ASIC1: variants seen among roughly 807,000 people sequenced by gnomAD.
The protein encoded by ASIC1 is acid sensing ion channel subunit 1.
Under a neutral mutation model 63.4 loss-of-function variants are expected in ASIC1, and 21 were observed. That is an observed-to-expected ratio of 0.33 (90% CI 0.23 to 0.48). ASIC1 has a LOEUF of 0.48. Ranked by LOEUF, ASIC1 falls within the 20% of genes least tolerant of loss-of-function variation. The probability of loss-of-function intolerance (pLI) is 0.99; values close to 1 mark genes in which losing one functional copy is unlikely to be tolerated. For synonymous variants in ASIC1, 258 were observed against 278.2 expected (o/e 0.93, Z 0.72); for missense variants, 478 against 695.5 (o/e 0.69, Z 3.52).
intron 3 of ASIC1, among the ~76,000 whole-genome samples, chr12:50,075,448 A>G (rs2137838434): frequency 6.6e-6 from 1 of 152,330 alleles, no homozygotes; most frequent in Admixed American, 6.5e-5. Flanking sequence ...CTAATCCCAT[A>G]CAACTCCGGA....
intron 3 of ASIC1, among the ~76,000 whole-genome samples, chr12:50,076,586 G>A (rs903039923): frequency 1.3e-5 from 2 of 152,150 alleles, no homozygotes; most frequent in Non-Finnish European, 2.9e-5. Flanking sequence ...TGAGGAAAGT[G>A]TCCCAAGGAG....
chr12:50,073,869 C>T, intron 3 of ASIC1: 1 of 1,532,446 alleles, frequency 6.5e-7, no homozygotes, highest in Middle Eastern at 1.7e-4. Context: ...GGGCGGTGGC[C>T]TTTGTCCTGG....
At chr12:50,062,828 C>G (rs1375400328) in intron 3 of ASIC1, among the ~76,000 whole-genome samples, 1 of 152,156 alleles carries the variant, frequency 6.6e-6, no homozygotes, top group Non-Finnish European at 1.5e-5. Flanking sequence ...TAGCTCAACC[C>G]CAGGGAATAG....
Position 50,059,633 on chromosome 12 carries a change from C to G in ASIC1, c.363-126C>G. ...CCATGTGGTAGAGCCTCTGCATGCCCAGCTCTCCTTCCTTGCCTACACCTG... is the reference window on the plus strand; with the variant it reads ...CCATGTGGTAGAGCCTCTGCATGCCGAGCTCTCCTTCCTTGCCTACACCTG... On this transcript the variant is annotated intron_variant, in intron 2 of 11. Transcript: ENST00000447966. The surrounding 1 kb of genome is among the most constrained non-coding windows in gnomAD (Gnocchi z 4.6). 2 of 989,198 alleles carry G rather than the reference C, an allele frequency of 2.0e-6. No homozygotes were observed. Among genetic ancestry groups the G allele is most frequent in the Non-Finnish European group, 3.0e-6 (2 of 677,326 alleles). 61.3% of individuals were successfully genotyped at this position (989,198 alleles called of 1,614,324 possible).
intron 3 of ASIC1, among the ~76,000 whole-genome samples, chr12:50,063,361 G>A (rs1271523076): frequency 1.3e-5 from 2 of 152,328 alleles, no homozygotes; most frequent in East Asian, 3.9e-4. Flanking sequence ...GAGGGGGCTG[G>A]CAGATGGTCA....
At chr12:50,066,953 G>T (rs187467594) in intron 3 of ASIC1, among the ~76,000 whole-genome samples, 2 of 152,168 alleles carry the variant, frequency 1.3e-5, no homozygotes, top group African/African-American at 2.4e-5. Flanking sequence ...TGCTAATTCT[G>T]TCTCTCCCTG....
intron 3 of ASIC1, among the ~76,000 whole-genome samples, chr12:50,060,510 C>G (rs185328279): frequency 1.3e-5 from 2 of 152,332 alleles, no homozygotes. Flanking sequence ...ACAGTAACTC[C>G]CTGTGTGCCA....
chr12:50,067,826 A>G (rs930500590), intron 3 of ASIC1, among the ~76,000 whole-genome samples: 18 of 151,970 alleles, frequency 1.2e-4, no homozygotes, highest in African/African-American at 4.4e-4. Context: ...ATTTTCTTCT[A>G]CTTGGCCATT....
chr12:50,080,653 C>T, intron 9 of ASIC1, 64 bp downstream of exon 9: 1 of 1,614,168 alleles, frequency 6.2e-7, no homozygotes. Flanking sequence ...CCCTATCATC[C>T]AAAAGCAGGG....
intron 3 of ASIC1, among the ~76,000 whole-genome samples, chr12:50,064,933 T>C (rs888088363): frequency 6.6e-6 from 1 of 152,056 alleles, no homozygotes; most frequent in African/African-American, 2.4e-5. Context: ...CACGGAAGGT[T>C]CAGGGCTGAG....
intron 3 of ASIC1, among the ~76,000 whole-genome samples, chr12:50,066,862 G>A (rs1211373431): frequency 6.6e-6 from 1 of 152,082 alleles, no homozygotes; most frequent in East Asian, 1.9e-4. Flanking sequence ...AGCCCTAGAA[G>A]GGAACATTCA....
At chr12:50,065,181 C>T (rs1396713074) in intron 3 of ASIC1, among the ~76,000 whole-genome samples, 2 of 152,198 alleles carry the variant, frequency 1.3e-5, no homozygotes, top group African/African-American at 4.8e-5. Context: ...CTGCCCACCC[C>T]CACCCCCAAG....
Position 50,078,263 on chromosome 12 carries a change from C to T in ASIC1, c.837+136C>T, listed in dbSNP as rs997865059. The T allele has an allele frequency of 5.5e-5, 83 of 1,506,320 alleles. No homozygotes were observed. Among genetic ancestry groups the T allele is most frequent in the African/African-American group, 8.4e-5 (6 of 71,850 alleles). 93.3% of individuals were successfully genotyped at this position (1,506,320 alleles called of 1,614,324 possible). On this transcript the variant is annotated intron_variant, in intron 5 of 11. Coordinates refer to ENST00000447966, the MANE Select transcript of ASIC1 (RefSeq NM_001095.4). This position sits in a 1 kb window ranked among gnomAD's most constrained non-coding sequence, Gnocchi z 6.0. ...CTGGCTAGTCAGAAGCATGAGTGAT[C>T]GAATGAACAAGAATGCTCTGTAAAC... is the stretch of plus-strand genomic sequence containing the variant.
chr12:50,077,947 G>A, intron 4 of ASIC1, 53 bp from the exon 5 acceptor site: 1 of 1,563,488 alleles, frequency 6.4e-7, no homozygotes, highest in Non-Finnish European at 8.7e-7. Context: ...CAGGTCTGAG[G>A]GGTGTTAGGG....
chr12:50,062,114 C>T (rs1950506189), intron 3 of ASIC1, among the ~76,000 whole-genome samples: 1 of 152,182 alleles, frequency 6.6e-6, no homozygotes, highest in Non-Finnish European at 1.5e-5. Context: ...AGCCCCTCTC[C>T]ATGTCAAGAG....
chr12:50,078,264 G>A lies in ASIC1; in HGVS notation c.837+137G>A, dbSNP rs1367099139. On this transcript the variant is annotated intron_variant, in intron 5 of 11. Coordinates refer to ENST00000447966, the MANE Select transcript of ASIC1 (RefSeq NM_001095.4). The surrounding 1 kb of genome is among the most constrained non-coding windows in gnomAD (Gnocchi z 6.0). ...TGGCTAGTCAGAAGCATGAGTGATC[G>A]AATGAACAAGAATGCTCTGTAAACT... 9 of 1,498,316 alleles carry A rather than the reference G, an allele frequency of 6.0e-6. No homozygotes were observed. Among genetic ancestry groups the A allele is most frequent in the Middle Eastern group, 1.8e-4 (1 of 5,530 alleles). 92.8% of individuals were successfully genotyped at this position (1,498,316 alleles called of 1,614,324 possible).
In ASIC1 at chr12:50,059,774, C is replaced by T. The variant is rs763789601; in HGVS notation, c.378C>T (p.Asp126=). The change falls in exon 3 of 12, where the codon GAC becomes GAT. Residue 126 remains aspartate, a synonymous_variant. Coordinates refer to ENST00000447966, the MANE Select transcript of ASIC1 (RefSeq NM_001095.4). This position sits in a 1 kb window ranked among gnomAD's most constrained non-coding sequence, Gnocchi z 4.6. ...CGGACCCCAGGTATGAGATACCAGA[C>T]ACACAGATGGCAGATGAAAAGCAGC... The part of the protein sequence containing the change: ...ALLNNRYEIP[D]TQMADEKQLE... The T allele has an allele frequency of 6.2e-7, 1 of 1,613,496 alleles. No individual in the cohort carries two copies. The highest frequency in any genetic ancestry group is 1.3e-5 in the African/African-American group (1 of 74,926).
chr12:50,061,833 A>G (rs1293542891), intron 3 of ASIC1, among the ~76,000 whole-genome samples: 1 of 152,210 alleles, frequency 6.6e-6, no homozygotes, highest in Non-Finnish European at 1.5e-5. Context: ...TGATTGGTCC[A>G]TGCTGTCTGA....
intron 3 of ASIC1, among the ~76,000 whole-genome samples, chr12:50,072,171 G>A (rs1426160016): frequency 6.6e-6 from 1 of 152,226 alleles, no homozygotes. Flanking sequence ...GGAGCAGGGA[G>A]GGAGAAGAGA....
Sources: gnomAD v4.1 joint callset for allele counts (sites outside exome capture counted in the v4.1 genomes callset) on GRCh38, gnomAD v4.1.1 for gene constraint, Gnocchi (gnomAD v3.1) non-coding constraint, MANE v1.5 for transcripts, NCBI Gene and HGNC (gene_info 2026-07-23, HGNC 2026-07-21) for gene names.